The following GPCPD1 variants were observed in gnomAD, a reference collection of about 807,000 sequenced individuals.
The protein encoded by GPCPD1 is glycerophosphocholine phosphodiesterase GPCPD1.
GPCPD1 carries 29 observed loss-of-function variants against 89.2 expected under a neutral mutation model. The ratio of observed to expected loss-of-function variants is 0.33; its 90% CI spans 0.24 to 0.44. GPCPD1 has a LOEUF of 0.44. Ranked by LOEUF, GPCPD1 falls within the 20% of genes least tolerant of loss-of-function variation. GPCPD1 has a pLI of 1.00. For synonymous variants in GPCPD1, 258 were observed against 266.3 expected (o/e 0.97, Z 0.30); for missense variants, 594 against 808.9 (o/e 0.73, Z 3.22).
chr20:5,551,916 C>T (rs565343544), intron 19 of GPCPD1, among the ~76,000 whole-genome samples: 1 of 152,272 alleles, frequency 6.6e-6, no homozygotes, highest in East Asian at 1.9e-4. Flanking sequence ...TCCAAAATGC[C>T]TCAAAGGCTC....
At chr20:5,606,120 T>A (rs958592528) in intron 1 of GPCPD1, among the ~76,000 whole-genome samples, 4 of 152,228 alleles carry the variant, frequency 2.6e-5, no homozygotes, top group Non-Finnish European at 5.9e-5. Flanking sequence ...GTCAAAGGAA[T>A]CTGTTTCCCA....
intron 4 of GPCPD1, among the ~76,000 whole-genome samples, chr20:5,590,559 A>C (rs1979258777): frequency 6.6e-6 from 1 of 151,190 alleles, no homozygotes; most frequent in South Asian, 2.1e-4. Context: ...AAAAATCTCT[A>C]TTTTTAGTAC....
chr20:5,559,863 T>C lies in GPCPD1; in HGVS notation c.1532+77A>G, dbSNP rs547853804. ...AGATCATGGGGGAAAGCTGGACAAC[T>C]ACCCCACCTCCAGACTGCTGCCTTA... is the stretch of plus-strand genomic sequence containing the variant. On this transcript the variant is annotated intron_variant, in intron 17 of 19. Coordinates refer to ENST00000379019, the MANE Select transcript of GPCPD1 (RefSeq NM_019593.5). 1.8e-4 allele frequency: 128 copies of C among 729,226 alleles called. No individual in the cohort carries two copies. The African/African-American group carries it at 2.3e-3, about 13-fold the overall frequency. 45.2% of individuals were successfully genotyped at this position (729,226 alleles called of 1,614,324 possible).
intron 9 of GPCPD1, 82 bp downstream of exon 9, chr20:5,575,734 T>G (rs1227099138): frequency 1.0e-6 from 1 of 980,444 alleles, no homozygotes; most frequent in African/African-American, 1.6e-5. Flanking sequence ...AATTTCATCT[T>G]TATCATTATC....
intron 6 of GPCPD1, among the ~76,000 whole-genome samples, chr20:5,581,955 C>A (rs113351153): frequency 0.04 from 5,766 of 145,620 alleles, 155 homozygotes; most frequent in Non-Finnish European, 0.063. Context: ...GAGGCCGAGG[C>A]GGGCGGATCA....
In GPCPD1 at chr20:5,565,715, T is replaced by C. The variant is rs564865393; in HGVS notation, c.1268-637A>G. Among the ~76,000 whole-genome samples the C allele has an allele frequency of 3.9e-5, 6 of 152,294 alleles. No individual in the cohort carries two copies. In the South Asian group the frequency reaches 1.2e-3, roughly 32 times the overall value. On this transcript the variant is annotated intron_variant, in intron 14 of 19. Coordinates refer to ENST00000379019, the MANE Select transcript of GPCPD1 (RefSeq NM_019593.5). ...TTTAAAAAGTAGTCACAAGCTGTGA[T>C]TTTGCTATTTCTCCAGAGAATTAAG...
At chr20:5,588,094 G>A (rs748948572) in intron 4 of GPCPD1, among the ~76,000 whole-genome samples, 2 of 152,006 alleles carry the variant, frequency 1.3e-5, no homozygotes, top group African/African-American at 2.4e-5. Context: ...GGTGACTTTC[G>A]TATCCATTAT....
intron 5 of GPCPD1, chr20:5,584,793 A>G (rs1442764397): frequency 6.5e-6 from 1 of 152,976 alleles, no homozygotes; most frequent in African/African-American, 2.4e-5. Flanking sequence ...AAGCTTTACG[A>G]ACAGCGTGAA....
At chr20:5,599,309 G>A (rs1979961171) in intron 2 of GPCPD1, among the ~76,000 whole-genome samples, 1 of 151,958 alleles carries the variant, frequency 6.6e-6, no homozygotes. Flanking sequence ...CAGCACTCTG[G>A]GAAGCTGAGG....
chr20:5,564,083 TG>T (rs1365010903), intron 15 of GPCPD1, among the ~76,000 whole-genome samples: 2 of 152,094 alleles, frequency 1.3e-5, no homozygotes, highest in Admixed American at 6.6e-5. Flanking sequence ...CTGGAGTCGG[TG>T]GAACAAAAGC....
rs992163440 is a variant in GPCPD1, at chr20:5,548,823, T to C, written c.1830-973A>G. The C allele has an allele frequency of 9.8e-6, 6 of 612,930 alleles. No homozygotes were observed. The South Asian group carries it at 2.0e-4, about 20-fold the overall frequency. 38.0% of individuals were successfully genotyped at this position (612,930 alleles called of 1,614,324 possible). A position where few individuals can be genotyped will look rare whatever the true frequency, so the allele number is the denominator to read the frequency against. Reference sequence around the variant, plus strand: ...GAGCAGAGTTAAAAGCAGGAGCAGATCGATGTAAGACGGCGGACTGTCAAA... The same window carrying C: ...GAGCAGAGTTAAAAGCAGGAGCAGACCGATGTAAGACGGCGGACTGTCAAA... On this transcript the variant is annotated intron_variant, in intron 19 of 19. Coordinates refer to ENST00000379019, the MANE Select transcript of GPCPD1 (RefSeq NM_019593.5).
In GPCPD1 at chr20:5,547,784, C is replaced by T. The variant is rs1305857229; in HGVS notation, c.1896G>A (p.Gln632=). 1 of 1,610,718 alleles carries T rather than the reference C, an allele frequency of 6.2e-7. No homozygotes were observed. The highest frequency in any genetic ancestry group is 8.5e-7 in the Non-Finnish European group (1 of 1,177,246). Residue 632 remains glutamine (Q), a synonymous_variant, in exon 20 of 20, where the codon CAG becomes CAA. Coordinates refer to ENST00000379019, the MANE Select transcript of GPCPD1 (RefSeq NM_019593.5). The stretch of plus-strand genomic sequence containing the variant: ...AACAGCTCTTAAGCTCTGGCAATTC[C>T]TGCTTCAGGCGTTCCAATTGCTCCA... The part of the protein sequence containing the change: ...FQVEQLERLK[Q]ELPELKSCLC...
intron 3 of GPCPD1, among the ~76,000 whole-genome samples, chr20:5,598,054 G>C (rs561621855): frequency 9.9e-5 from 15 of 151,980 alleles, no homozygotes; most frequent in African/African-American, 3.6e-4. Flanking sequence ...ATAATATATA[G>C]TGACCAGACA....
intron 10 of GPCPD1, 49 bp downstream of exon 10, chr20:5,575,364 C>A: frequency 7.3e-7 from 1 of 1,372,932 alleles, no homozygotes. Flanking sequence ...GTAACTCTAC[C>A]GAACATAAGC....
At chr20:5,575,365 G>A (rs921342120) in intron 10 of GPCPD1, 48 bp downstream of exon 10, 29 of 1,391,580 alleles carry the variant, frequency 2.1e-5, no homozygotes, top group South Asian at 3.8e-5. Context: ...TAACTCTACC[G>A]AACATAAGCT....
In GPCPD1 at chr20:5,598,729, C is replaced by T; in HGVS notation, c.142G>A (p.Glu48Lys). The change falls in exon 3 of 20, where the codon GAA becomes AAA. Residue 48 changes from glutamate (E) to lysine (K), a missense_variant. Glu to Lys is a moderately conservative substitution (Grantham distance 56, BLOSUM62 1). Transcript: ENST00000379019. ...ACCTCACATTTCCATACTCACCTTTCACCTGTGTCATTCTCTGGAAGAAGA... is the reference window on the plus strand; with the variant it reads ...ACCTCACATTTCCATACTCACCTTTTACCTGTGTCATTCTCTGGAAGAAGA... Reference protein sequence around the residue: ...VALLPENDTGESMLWKATIVL... With the variant: ...VALLPENDTGKSMLWKATIVL... The T allele has an allele frequency of 3.2e-6, 5 of 1,586,654 alleles. No homozygotes were observed. The highest frequency in any genetic ancestry group is 4.3e-6 in the Non-Finnish European group (5 of 1,154,924).
At chr20:5,607,273 C>A (rs769837425) in intron 1 of GPCPD1, among the ~76,000 whole-genome samples, 1 of 144,138 alleles carries the variant, frequency 6.9e-6, no homozygotes, top group African/African-American at 2.6e-5. Flanking sequence ...GGCAACACAG[C>A]GAGACTCTAT....
rs770500520 is a variant in GPCPD1 at position 5,573,927 on chromosome 20, A to G, written c.1044T>C (p.Asn348=). Residue 348 remains asparagine, a synonymous_variant, in exon 11 of 20, where the codon AAT becomes AAC. Coordinates refer to ENST00000379019, the MANE Select transcript of GPCPD1 (RefSeq NM_019593.5). ...VQENTIASLR[N]AASHGAAFVE... is the part of the protein sequence containing the mutation. ...AAAGGTTACTTACATGACTAGCAGC[A>G]TTTCTTAAAGAAGCAATAGTATTTT... 9 of 1,520,542 alleles carry G rather than the reference A, an allele frequency of 5.9e-6. No individual in the cohort carries two copies. The highest frequency in any genetic ancestry group is 5.5e-6 in the Non-Finnish European group (6 of 1,094,646). 94.2% of individuals were successfully genotyped at this position (1,520,542 alleles called of 1,614,324 possible). A position where few individuals can be genotyped will look rare whatever the true frequency, so the allele number is the denominator to read the frequency against.
chr20:5,605,755 A>G (rs1398968793), intron 1 of GPCPD1, among the ~76,000 whole-genome samples: 2 of 151,990 alleles, frequency 1.3e-5, no homozygotes, highest in African/African-American at 4.8e-5. Context: ...TCCAAAAAAA[A>G]AGAAAAAACT....
Sources: gnomAD v4.1 joint callset for allele counts (sites outside exome capture counted in the v4.1 genomes callset) on GRCh38, gnomAD v4.1.1 for gene constraint, MANE v1.5 for transcripts, NCBI Gene and HGNC (gene_info 2026-07-23, HGNC 2026-07-21) for gene names.